Variants in PDGFC observed in about 807,000 individuals in gnomAD.
PDGFC encodes platelet derived growth factor C, also known as platelet-derived growth factor C.
A neutral mutation model predicts 35.5 loss-of-function variants in PDGFC; 12 were observed. The observed-to-expected ratio is 0.34, with a 90% CI of 0.22 to 0.55. The LOEUF (loss-of-function observed/expected upper bound fraction) is 0.55, where lower values mean the gene tolerates loss of function less well. Among genes scored for constraint, PDGFC ranks in the 20% least tolerant of loss-of-function variants. The probability of loss-of-function intolerance (pLI) is 0.91; values close to 1 mark genes in which losing one functional copy is unlikely to be tolerated. For missense variants in PDGFC, 322 were observed against 412.4 expected (o/e 0.78, Z 1.90); for synonymous variants, 159 against 148.8 (o/e 1.07, Z -0.50).
chr4:156,903,495 A>G (rs1055786117), intron 1 of PDGFC, among the ~76,000 whole-genome samples: 12 of 152,066 alleles, frequency 7.9e-5, no homozygotes, highest in Non-Finnish European at 1.6e-4. Flanking sequence ...ACAGTAACAA[A>G]TAACACAGCA....
intron 1 of PDGFC, among the ~76,000 whole-genome samples, chr4:156,956,803 C>A (rs1282334106): frequency 1.3e-5 from 2 of 151,926 alleles, no homozygotes; most frequent in Non-Finnish European, 2.9e-5. Flanking sequence ...TTAAGCAGGA[C>A]AAAATCTATT....
In PDGFC at chr4:156,768,006, GA is replaced by G; in HGVS notation, c.704-17del. 2 of 1,460,178 alleles carry G rather than the reference GA, an allele frequency of 1.4e-6. No individual in the cohort carries two copies. Among genetic ancestry groups the G allele is most frequent in the Non-Finnish European group, 1.9e-6 (2 of 1,043,962 alleles). The allele number at this position is 1,460,178 out of a possible 1,614,324, so 90.5% of individuals were successfully genotyped here. A position where few individuals can be genotyped will look rare whatever the true frequency, so the allele number is the denominator to read the frequency against. ...AGATCCACCACTATATGGTATAAAA[GA>G]AAGCAAAGAAAAATAGATGTTGATG... On this transcript the variant is annotated splice_polypyrimidine_tract_variant and intron_variant, in intron 4 of 5. Coordinates refer to ENST00000502773, the MANE Select transcript of PDGFC (RefSeq NM_016205.3).
chr4:156,787,098 T>C (rs1320814643), intron 3 of PDGFC, among the ~76,000 whole-genome samples: 1 of 152,264 alleles, frequency 6.6e-6, no homozygotes, highest in East Asian at 1.9e-4. Context: ...CTGGACAAGA[T>C]TGTCAAATGA....
chr4:156,785,628 G>A (rs1731102179), intron 3 of PDGFC, among the ~76,000 whole-genome samples: 1 of 152,164 alleles, frequency 6.6e-6, no homozygotes. Flanking sequence ...ATAAAGGGGT[G>A]ACTGAACAGC....
At chr4:156,862,639 G>T (rs1191481095) in intron 1 of PDGFC, among the ~76,000 whole-genome samples, 1 of 151,674 alleles carries the variant, frequency 6.6e-6, no homozygotes, top group Non-Finnish European at 1.5e-5. Context: ...TTGTTTAAGA[G>T]TGATATGATA....
intron 2 of PDGFC, among the ~76,000 whole-genome samples, chr4:156,830,580 T>A (rs748951298): frequency 1.8e-4 from 27 of 152,100 alleles, no homozygotes; most frequent in Non-Finnish European, 3.4e-4. Flanking sequence ...GCAAATATGA[T>A]CACATTTTTT....
intron 2 of PDGFC, among the ~76,000 whole-genome samples, chr4:156,818,669 A>AT (rs1400789370): frequency 2.0e-5 from 3 of 151,640 alleles, no homozygotes; most frequent in African/African-American, 7.3e-5. Flanking sequence ...TACCAGGCTA[A>AT]TTTTTTGTAT....
intron 1 of PDGFC, among the ~76,000 whole-genome samples, chr4:156,857,169 A>G (rs1729603178): frequency 6.6e-6 from 1 of 151,990 alleles, no homozygotes. Context: ...TAATCAGTAT[A>G]TAAGTAAATG....
intron 1 of PDGFC, among the ~76,000 whole-genome samples, chr4:156,896,518 C>T (rs1205170516): frequency 6.6e-6 from 1 of 152,206 alleles, no homozygotes; most frequent in Non-Finnish European, 1.5e-5. Flanking sequence ...TGTATCATAG[C>T]TATGACTTTC....
intron 1 of PDGFC, among the ~76,000 whole-genome samples, chr4:156,969,122 G>T (rs541071289): frequency 6.6e-6 from 1 of 152,320 alleles, no homozygotes; most frequent in African/African-American, 2.4e-5. Flanking sequence ...AATGATATGG[G>T]ACAGGAACAA....
intron 3 of PDGFC, among the ~76,000 whole-genome samples, chr4:156,779,347 T>C (rs1730918159): frequency 6.6e-6 from 1 of 152,200 alleles, no homozygotes; most frequent in Non-Finnish European, 1.5e-5. Flanking sequence ...GTGTGAGTAA[T>C]GCAGATTATA....
chr4:156,868,943 C>A (rs1273319360), intron 1 of PDGFC, among the ~76,000 whole-genome samples: 1 of 152,102 alleles, frequency 6.6e-6, no homozygotes, highest in African/African-American at 2.4e-5. Context: ...AATCACATTC[C>A]AAAATGTTCC....
rs563910816 is a variant in PDGFC at position 156,837,321 on chromosome 4, G to T, written c.314+12900C>A. On this transcript the variant is annotated intron_variant, in intron 2 of 5. Coordinates refer to ENST00000502773, the MANE Select transcript of PDGFC (RefSeq NM_016205.3). ...TTGAACCAGGGAGTTGGAGGCTGCA[G>T]TGAGCCGAGATTGTGCCACTGCACG... Among the ~76,000 whole-genome samples, 4 of 152,324 alleles carry T rather than the reference G, an allele frequency of 2.6e-5. No homozygotes were observed. In the East Asian group the frequency reaches 5.8e-4, roughly 22 times the overall value.
chr4:156,784,027 T>C (rs1242699138), intron 3 of PDGFC, among the ~76,000 whole-genome samples: 1 of 152,106 alleles, frequency 6.6e-6, no homozygotes, highest in Non-Finnish European at 1.5e-5. Flanking sequence ...AAGGAAAAGT[T>C]CAGGTTGGGT....
intron 3 of PDGFC, among the ~76,000 whole-genome samples, chr4:156,782,946 C>CTG (rs1731022778): frequency 6.6e-6 from 1 of 152,110 alleles, no homozygotes; most frequent in Non-Finnish European, 1.5e-5. Flanking sequence ...ATGGAAAAAC[C>CTG]TGTGTCCTTT....
chr4:156,769,171 T>C (rs555091533), intron 4 of PDGFC, among the ~76,000 whole-genome samples: 2 of 151,760 alleles, frequency 1.3e-5, no homozygotes, highest in African/African-American at 2.4e-5. Flanking sequence ...ACCTTTCCAC[T>C]AATATGGATA....
chr4:156,903,222 A>G (rs1216876160), intron 1 of PDGFC, among the ~76,000 whole-genome samples: 1 of 152,058 alleles, frequency 6.6e-6, no homozygotes, highest in Admixed American at 6.6e-5. Flanking sequence ...TTAAACTTAC[A>G]TACAAATACA....
At chr4:156,930,009 G>C (rs1031733652) in intron 1 of PDGFC, among the ~76,000 whole-genome samples, 2 of 152,090 alleles carry the variant, frequency 1.3e-5, no homozygotes, top group African/African-American at 4.8e-5. Flanking sequence ...ATTCAATTCT[G>C]GATTTAAGCT....
At chr4:156,851,696 C>A (rs1463454033) in intron 1 of PDGFC, among the ~76,000 whole-genome samples, 1 of 152,102 alleles carries the variant, frequency 6.6e-6, no homozygotes, top group African/African-American at 2.4e-5. Flanking sequence ...GTAATCCCAG[C>A]ACTTTGGGAG....
Sources: allele counts gnomAD v4.1 joint callset (sites outside exome capture counted in the v4.1 genomes callset), GRCh38; gene constraint gnomAD v4.1.1; transcripts MANE v1.5; gene names NCBI Gene and HGNC (gene_info 2026-07-23, HGNC 2026-07-21).